Variants in PRMT8 observed in about 807,000 individuals in gnomAD.
PRMT8 encodes protein arginine methyltransferase 8.
PRMT8 carries 7 observed loss-of-function variants against 47.1 expected under a neutral mutation model. The observed-to-expected ratio is 0.15, with a 90% CI of 0.08 to 0.28. PRMT8 has a LOEUF of 0.28. PRMT8 is among the 10% of genes least tolerant of loss of function. PRMT8 has a pLI of 1.00. For missense variants in PRMT8, 237 were observed against 505.4 expected, an observed-to-expected ratio of 0.47 and a Z score of 5.09; for synonymous variants, 188 against 186.5, an observed-to-expected ratio of 1.01 and a Z score of -0.07.
At chr12:3,483,799 G>T (rs925343869) in intron 1 of PRMT8, among the ~76,000 whole-genome samples, 17 of 152,090 alleles carry the variant, frequency 1.1e-4, no homozygotes, top group African/African-American at 4.1e-4. Flanking sequence ...AATAATCTGC[G>T]ATTTGTGTCA....
At chr12:3,466,672 A>T (rs1865099753) in intron 1 of PRMT8, among the ~76,000 whole-genome samples, 1 of 152,208 alleles carries the variant, frequency 6.6e-6, no homozygotes, top group African/African-American at 2.4e-5. Context: ...AGCTAGTGAC[A>T]TTATCTTGTT....
At chr12:3,447,530 T>C (rs937930461) in intron 1 of PRMT8, among the ~76,000 whole-genome samples, 1 of 152,072 alleles carries the variant, frequency 6.6e-6, no homozygotes, top group African/African-American at 2.4e-5. Flanking sequence ...TTCCCACTCA[T>C]CCTTCAAGAC....
chr12:3,422,251 C>A (rs997096008), intron 1 of PRMT8, among the ~76,000 whole-genome samples: 3 of 152,226 alleles, frequency 2.0e-5, no homozygotes, highest in Non-Finnish European at 2.9e-5. Context: ...ACCTGCCAAC[C>A]TTCGTGGTTA....
At chr12:3,556,328 G>A (rs1290181638) in intron 4 of PRMT8, among the ~76,000 whole-genome samples, 1 of 151,972 alleles carries the variant, frequency 6.6e-6, no homozygotes, top group South Asian at 2.1e-4. Context: ...TGCAACATTC[G>A]GAGGTCAAGC....
rs140323498 is a variant in PRMT8 at position 3,558,373 on chromosome 12, G to A, written c.481+4659G>A. On this transcript the variant is annotated intron_variant, in intron 4 of 9. Coordinates refer to ENST00000382622, the MANE Select transcript of PRMT8 (RefSeq NM_019854.5). Reference sequence around the variant, plus strand: ...GAGTAAGTGGTTGATGCAATGCTCCGTCATCCCTGAATACATTAGTGTGCA... The same window carrying A: ...GAGTAAGTGGTTGATGCAATGCTCCATCATCCCTGAATACATTAGTGTGCA... Among the ~76,000 whole-genome samples the A allele has an allele frequency of 2.2e-3, 338 of 152,102 alleles. 5 individuals carry two copies. The highest frequency in any genetic ancestry group is 7.7e-3 in the African/African-American group (321 of 41,494).
At chr12:3,548,599 C>T (rs933218141) in intron 2 of PRMT8, among the ~76,000 whole-genome samples, 6 of 152,130 alleles carry the variant, frequency 3.9e-5, no homozygotes, top group African/African-American at 1.4e-4. Context: ...CTTCAGTAAC[C>T]ATCAGGGAAA....
intron 7 of PRMT8, among the ~76,000 whole-genome samples, chr12:3,582,277 T>C (rs766540212): frequency 1.3e-5 from 2 of 152,248 alleles, no homozygotes; most frequent in Non-Finnish European, 2.9e-5. Flanking sequence ...CCATGCGAGA[T>C]TGATTTTCAG....
At chr12:3,418,697 C>T (rs1477452408) in intron 1 of PRMT8, among the ~76,000 whole-genome samples, 1 of 152,108 alleles carries the variant, frequency 6.6e-6, no homozygotes, top group African/African-American at 2.4e-5. Context: ...AACTTCCCCT[C>T]CCCACCTGAG....
chr12:3,538,375 A>T lies in PRMT8; in HGVS notation c.76-2231A>T. 3.3e-6 allele frequency: 1 copy of T among 303,626 alleles called. No homozygotes were observed. Among genetic ancestry groups the T allele is most frequent in the Non-Finnish European group, 6.6e-6 (1 of 152,474 alleles). The allele number at this position is 303,626 out of a possible 1,614,324, so 18.8% of individuals were successfully genotyped here. A position where few individuals can be genotyped will look rare whatever the true frequency, so the allele number is the denominator to read the frequency against. ...CGTCTATTTCTTCCACAGGACCTGC[A>T]CGCTGCCTTGCTGTTGGAGATCTGT... On this transcript the variant is annotated intron_variant, in intron 1 of 9. Coordinates refer to ENST00000382622, the MANE Select transcript of PRMT8 (RefSeq NM_019854.5). This position sits in a 1 kb window ranked among gnomAD's most constrained non-coding sequence, Gnocchi z 4.6.
intron 1 of PRMT8, among the ~76,000 whole-genome samples, chr12:3,440,627 T>C (rs559784687): frequency 6.6e-6 from 1 of 152,258 alleles, no homozygotes; most frequent in Admixed American, 6.5e-5. Flanking sequence ...GCCTCCTGAC[T>C]AGTTTGTTAG....
intron 8 of PRMT8, among the ~76,000 whole-genome samples, chr12:3,586,203 A>C (rs1867169084): frequency 6.6e-6 from 1 of 152,092 alleles, no homozygotes; most frequent in Non-Finnish European, 1.5e-5. Context: ...CTGGGGTGTT[A>C]GGGATGACAT....
intron 1 of PRMT8, among the ~76,000 whole-genome samples, chr12:3,397,267 T>C (rs1383780783): frequency 1.3e-5 from 2 of 152,084 alleles, no homozygotes; most frequent in Non-Finnish European, 2.9e-5. Context: ...ACTGCGTTCC[T>C]TTGGAGGAGG....
upstream of PRMT8, among the ~76,000 whole-genome samples, chr12:3,489,695 A>C (rs1476394597): frequency 6.6e-6 from 1 of 152,098 alleles, no homozygotes; most frequent in Non-Finnish European, 1.5e-5. Flanking sequence ...AACGGGAGGA[A>C]CGACTGGGTG....
intron 1 of PRMT8, among the ~76,000 whole-genome samples, chr12:3,515,014 T>C (rs1865767372): frequency 6.6e-6 from 1 of 151,968 alleles, no homozygotes; most frequent in African/African-American, 2.4e-5. Flanking sequence ...TTCGAAGCTT[T>C]CTACATGAAT....
intron 1 of PRMT8, among the ~76,000 whole-genome samples, chr12:3,539,589 G>C (rs1372402442): frequency 2.0e-5 from 3 of 152,146 alleles, no homozygotes; most frequent in Non-Finnish European, 4.4e-5. Context: ...AGGCAGAGGA[G>C]GTCTCCTGGC....
At chr12:3,420,270 G>C (rs1864527684) in intron 1 of PRMT8, among the ~76,000 whole-genome samples, 1 of 152,030 alleles carries the variant, frequency 6.6e-6, no homozygotes, top group Admixed American at 6.5e-5. Context: ...CATAACAAGT[G>C]GGACATTTCT....
intron 1 of PRMT8, among the ~76,000 whole-genome samples, chr12:3,536,932 C>T (rs1866128170): frequency 6.6e-6 from 1 of 152,200 alleles, no homozygotes; most frequent in African/African-American, 2.4e-5. Flanking sequence ...TCAGTTGACT[C>T]CTACCTTTTG....
Position 3,576,941 on chromosome 12 carries a change from C to T in PRMT8, c.783C>T (p.Asp261=), listed in dbSNP as rs140447212. 1 of 1,614,190 alleles carries T rather than the reference C, an allele frequency of 6.2e-7. No individual in the cohort carries two copies. Among genetic ancestry groups the T allele is most frequent in the Non-Finnish European group, 8.5e-7 (1 of 1,180,040 alleles). The change falls in exon 7 of 10, where the codon GAC becomes GAT. Residue 261 remains aspartate, a synonymous_variant. Transcript: ENST00000382622. The surrounding 1 kb of genome is among the most constrained non-coding windows in gnomAD (Gnocchi z 4.0). ...RDVAMKEPLV[D]IVDPKQVVTN... ...TGGCCATGAAGGAGCCTCTAGTGGA[C>T]ATCGTGGATCCAAAGCAAGTGGTGA...
chr12:3,545,889 C>T (rs1158388488), intron 2 of PRMT8, among the ~76,000 whole-genome samples: 4 of 152,210 alleles, frequency 2.6e-5, no homozygotes, highest in Non-Finnish European at 5.9e-5. Context: ...TAGAACATTT[C>T]ATCCCCAAAC....
Sources: gnomAD v4.1 joint callset for allele counts (sites outside exome capture counted in the v4.1 genomes callset) on GRCh38, gnomAD v4.1.1 for gene constraint, Gnocchi (gnomAD v3.1) non-coding constraint, MANE v1.5 for transcripts, NCBI Gene and HGNC (gene_info 2026-07-23, HGNC 2026-07-21) for gene names.